The following ALCAM variants were observed in gnomAD, a reference collection of about 807,000 sequenced individuals.
ALCAM encodes the protein CD166 antigen.
A neutral mutation model predicts 70.9 loss-of-function variants in ALCAM; 30 were observed. The observed-to-expected ratio is 0.42, with a 90% CI of 0.32 to 0.57. The LOEUF (loss-of-function observed/expected upper bound fraction) is 0.57. Ranked by LOEUF, ALCAM falls within the 20% of genes least tolerant of loss-of-function variation. The pLI is 0.11. For synonymous variants in ALCAM, 249 were observed against 242.5 expected, an observed-to-expected ratio of 1.03 and a Z score of -0.25; for missense variants, 591 against 695.1, an observed-to-expected ratio of 0.85 and a Z score of 1.68.
At chr3:105,450,336 G>A (rs1300156727) in intron 1 of ALCAM, among the ~76,000 whole-genome samples, 1 of 152,106 alleles carries the variant, frequency 6.6e-6, no homozygotes, top group East Asian at 1.9e-4. Flanking sequence ...TTGCTCTCCA[G>A]AGCAGGGACG....
At chr3:105,539,865 C>T in intron 6 of ALCAM, 110 bp from the exon 7 acceptor site, 1 of 1,124,286 alleles carries the variant, frequency 8.9e-7, no homozygotes, top group Non-Finnish European at 1.2e-6. Context: ...AAGCAATTAC[C>T]ATTACTAGCT....
intron 1 of ALCAM, among the ~76,000 whole-genome samples, chr3:105,429,425 T>A (rs1265565531): frequency 6.6e-6 from 1 of 152,016 alleles, no homozygotes; most frequent in Non-Finnish European, 1.5e-5. Flanking sequence ...AGCTTGAACA[T>A]TTATAGTATC....
At chr3:105,557,688 T>C (rs1421512549) in intron 14 of ALCAM, among the ~76,000 whole-genome samples, 1 of 152,148 alleles carries the variant, frequency 6.6e-6, no homozygotes, top group Admixed American at 6.5e-5. Flanking sequence ...GCTTCCTGTT[T>C]TCATGCACAT....
At chr3:105,410,419 T>C (rs1936356648) in intron 1 of ALCAM, among the ~76,000 whole-genome samples, 1 of 152,082 alleles carries the variant, frequency 6.6e-6, no homozygotes, top group South Asian at 2.1e-4. Context: ...AGAGTTAATG[T>C]CCATTTCTTG....
intron 1 of ALCAM, among the ~76,000 whole-genome samples, chr3:105,416,411 A>G (rs1334698710): frequency 6.6e-6 from 1 of 152,026 alleles, no homozygotes; most frequent in Admixed American, 6.6e-5. Flanking sequence ...TTCTACTTAT[A>G]AAATTGTGAT....
chr3:105,542,129 G>A (rs1289198951), intron 8 of ALCAM, among the ~76,000 whole-genome samples: 1 of 151,730 alleles, frequency 6.6e-6, no homozygotes, highest in Non-Finnish European at 1.5e-5. Flanking sequence ...AGTTGACCCA[G>A]CATTATCATT....
chr3:105,368,499 T>A (rs1049226214), intron 1 of ALCAM, among the ~76,000 whole-genome samples: 1 of 152,068 alleles, frequency 6.6e-6, no homozygotes, highest in Non-Finnish European at 1.5e-5. Flanking sequence ...TATCCCTGCG[T>A]AGACAGTTGC....
At chr3:105,561,966 A>G (rs1559657535) in intron 14 of ALCAM, among the ~76,000 whole-genome samples, 1 of 152,186 alleles carries the variant, frequency 6.6e-6, no homozygotes, top group Non-Finnish European at 1.5e-5. Flanking sequence ...ACTAGGCATT[A>G]TGACATAGGC....
At chr3:105,395,510 C>T (rs1461557673) in intron 1 of ALCAM, among the ~76,000 whole-genome samples, 3 of 151,960 alleles carry the variant, frequency 2.0e-5, no homozygotes, top group East Asian at 1.9e-4. Context: ...TCTTTTACAT[C>T]AGCTCTCCAT....
intron 1 of ALCAM, among the ~76,000 whole-genome samples, chr3:105,407,040 C>T (rs1384636678): frequency 6.6e-6 from 1 of 151,844 alleles, no homozygotes; most frequent in Non-Finnish European, 1.5e-5. Context: ...CAATAACAAG[C>T]AACAAGACTG....
intron 1 of ALCAM, among the ~76,000 whole-genome samples, chr3:105,376,200 G>C (rs1205671566): frequency 1.3e-5 from 2 of 152,040 alleles, no homozygotes; most frequent in African/African-American, 4.8e-5. Context: ...GTAAAAGAAG[G>C]GTTGTTGGAA....
intron 1 of ALCAM, among the ~76,000 whole-genome samples, chr3:105,423,874 T>A (rs554890381): frequency 6.6e-6 from 1 of 151,766 alleles, no homozygotes; most frequent in Non-Finnish European, 1.5e-5. Flanking sequence ...GTAACTTAGA[T>A]TCATGATGAC....
intron 1 of ALCAM, among the ~76,000 whole-genome samples, chr3:105,486,185 C>T (rs576426591): frequency 6.6e-6 from 1 of 152,132 alleles, no homozygotes; most frequent in South Asian, 2.1e-4. Flanking sequence ...TCCCACTGGG[C>T]AGTGTCATTA....
At chr3:105,541,879 A>G (rs778962739) in intron 8 of ALCAM, 114 bp downstream of exon 8, 15 of 1,278,384 alleles carry the variant, frequency 1.2e-5, no homozygotes, top group Non-Finnish European at 1.5e-5. Flanking sequence ...CTTGGTTGCA[A>G]TAGATGCAGT....
chr3:105,431,834 G>A (rs1030133451), intron 1 of ALCAM, among the ~76,000 whole-genome samples: 10 of 152,084 alleles, frequency 6.6e-5, no homozygotes, highest in African/African-American at 2.4e-4. Flanking sequence ...TTCAGAAGCC[G>A]TTCTTCCCAA....
chr3:105,552,890 A>G, intron 14 of ALCAM: 2 of 1,100,690 alleles, frequency 1.8e-6, no homozygotes, highest in Non-Finnish European at 2.2e-6. Flanking sequence ...CTAAAGGTCA[A>G]CAACCATAGA....
Position 105,381,900 on chromosome 3 carries a change from A to G in ALCAM, c.73+14419A>G, listed in dbSNP as rs558950049. ...TGAATCAACTCTTTTTTTTATTGTC[A>G]TATTTTATTTTACTTTATTTTTTTA... On this transcript the variant is annotated intron_variant, in intron 1 of 15. Transcript: ENST00000306107. Among the ~76,000 whole-genome samples the G allele has an allele frequency of 1.2e-4, 18 of 151,096 alleles. No individual in the cohort carries two copies. The South Asian group carries it at 3.8e-3, about 32-fold the overall frequency.
chr3:105,437,330 A>G (rs1470573719), intron 1 of ALCAM, among the ~76,000 whole-genome samples: 1 of 152,220 alleles, frequency 6.6e-6, no homozygotes, highest in Admixed American at 6.5e-5. Flanking sequence ...GATATCATCT[A>G]TTATAAGTAA....
intron 1 of ALCAM, among the ~76,000 whole-genome samples, chr3:105,425,221 T>C (rs1214320949): frequency 6.6e-6 from 1 of 151,772 alleles, no homozygotes; most frequent in African/African-American, 2.4e-5. Flanking sequence ...TAAGTGTGAG[T>C]CTCTATGAAA....
Sources: allele counts gnomAD v4.1 joint callset (sites outside exome capture counted in the v4.1 genomes callset), GRCh38; gene constraint gnomAD v4.1.1; transcripts MANE v1.5; gene names NCBI Gene and HGNC (gene_info 2026-07-23, HGNC 2026-07-21).